Variants in NRCAM observed in about 807,000 individuals in gnomAD.
NRCAM encodes the protein NgCAM-related cell adhesion molecule.
Under a neutral mutation model 156.5 loss-of-function variants are expected in NRCAM, and 83 were observed. That is an observed-to-expected ratio of 0.53 (90% CI 0.44 to 0.64). The LOEUF (loss-of-function observed/expected upper bound fraction) is 0.64. Ranked by LOEUF, NRCAM falls within the 30% of genes least tolerant of loss-of-function variation. The pLI is 0.00. For synonymous variants in NRCAM, 538 were observed against 563.9 expected, an observed-to-expected ratio of 0.95 and a Z score of 0.65; for missense variants, 1,417 against 1,597.3, an observed-to-expected ratio of 0.89 and a Z score of 1.92.
In NRCAM at chr7:108,178,031, G is replaced by A. The variant is rs746739847; in HGVS notation, c.2933C>T (p.Pro978Leu). 1.2e-5 allele frequency: 19 copies of A among 1,613,390 alleles called. No homozygotes were observed. The highest frequency in any genetic ancestry group is 1.7e-4 in the Middle Eastern group (1 of 6,058). ...GGTGTACTCTGTCAAAATGCCATTC[G>A]GGTGGCTCGGTGGATCCCATTCCAA... The part of the protein sequence containing the change: ...LTLEWDPPSH[P>L]NGILTEYTLK... Residue 978 changes from proline to leucine, a missense_variant, in exon 26 of 33, where the codon CCG becomes CTG. Physicochemically the swap from Pro to Leu is moderately conservative, Grantham distance 98. Transcript: ENST00000379028.
At chr7:108,411,827 A>G (rs1252061263) in intron 1 of NRCAM, among the ~76,000 whole-genome samples, 1 of 152,158 alleles carries the variant, frequency 6.6e-6, no homozygotes, top group Non-Finnish European at 1.5e-5. Context: ...CACCACACCC[A>G]GCCAGGCCTA....
intron 2 of NRCAM, among the ~76,000 whole-genome samples, chr7:108,332,585 C>T (rs1180462577): frequency 6.6e-6 from 1 of 152,042 alleles, no homozygotes; most frequent in Non-Finnish European, 1.5e-5. Flanking sequence ...CAACTAAGAA[C>T]GATTCCTTAA....
intron 17 of NRCAM, 99 bp from the exon 18 acceptor site, chr7:108,191,952 G>A: frequency 7.2e-7 from 1 of 1,381,902 alleles, no homozygotes; most frequent in Non-Finnish European, 9.8e-7. Flanking sequence ...TGATAAAGGA[G>A]AAAGATGGTA....
chr7:108,177,496 G>A lies in NRCAM; in HGVS notation c.2974+494C>T, dbSNP rs549611261. ...AAATTTGCCGGGCATGGTGGTGGGC[G>A]TCTGTAGTCCCAGCTACTCGGGAGG... is the stretch of plus-strand genomic sequence containing the variant. On this transcript the variant is annotated intron_variant, in intron 26 of 32. Transcript: ENST00000379028. Among the ~76,000 whole-genome samples the A allele has an allele frequency of 9.2e-5, 14 of 152,106 alleles. No individual in the cohort carries two copies. The South Asian group carries it at 1.0e-3, about 11-fold the overall frequency.
intron 12 of NRCAM, among the ~76,000 whole-genome samples, chr7:108,208,865 A>T (rs1418503501): frequency 6.6e-6 from 1 of 152,160 alleles, no homozygotes; most frequent in African/African-American, 2.4e-5. Context: ...GTTAACATTC[A>T]TCACTTGGTT....
At chr7:108,357,707 A>G (rs1169436521) in intron 2 of NRCAM, among the ~76,000 whole-genome samples, 1 of 152,202 alleles carries the variant, frequency 6.6e-6, no homozygotes, top group East Asian at 1.9e-4. Flanking sequence ...TATATTAGAC[A>G]TGTCATGGGG....
At chr7:108,398,506 A>ATG in intron 2 of NRCAM, among the ~76,000 whole-genome samples, 1 of 152,212 alleles carries the variant, frequency 6.6e-6, no homozygotes, top group South Asian at 2.1e-4. Flanking sequence ...AGCTGATAAC[A>ATG]CCTCAGTGCT....
chr7:108,283,880 C>T (rs1218755820), intron 3 of NRCAM, among the ~76,000 whole-genome samples: 1 of 152,154 alleles, frequency 6.6e-6, no homozygotes, highest in Non-Finnish European at 1.5e-5. Context: ...GAGTCTCACT[C>T]TGTTGCCCAG....
At chr7:108,306,662 T>A (rs2154169171) in intron 3 of NRCAM, among the ~76,000 whole-genome samples, 1 of 152,316 alleles carries the variant, frequency 6.6e-6, no homozygotes, top group South Asian at 2.1e-4. Flanking sequence ...TAGAACCACA[T>A]CAAGGTAAGT....
At chr7:108,224,902 C>CT (rs1415587340) in intron 10 of NRCAM, among the ~76,000 whole-genome samples, 2 of 152,060 alleles carry the variant, frequency 1.3e-5, no homozygotes, top group Admixed American at 1.3e-4. Context: ...ATCTTGGTCA[C>CT]TGATGAGACC....
chr7:108,234,391 A>G (rs2094677665), intron 6 of NRCAM, among the ~76,000 whole-genome samples, 192 bp downstream of exon 6: 1 of 152,152 alleles, frequency 6.6e-6, no homozygotes, highest in African/African-American at 2.4e-5. Flanking sequence ...AGTATCTTTG[A>G]AGGGCTGAAA....
chr7:108,255,733 C>T (rs183353506), intron 3 of NRCAM, among the ~76,000 whole-genome samples: 2,669 of 151,436 alleles, frequency 0.018, 93 homozygotes, highest in African/African-American at 0.061. Flanking sequence ...CGCCTCTGCC[C>T]GGCCACGACC....
intron 1 of NRCAM, among the ~76,000 whole-genome samples, chr7:108,406,967 T>C (rs1563666953): frequency 6.6e-6 from 1 of 152,224 alleles, no homozygotes; most frequent in Non-Finnish European, 1.5e-5. Flanking sequence ...GTGGGGAATT[T>C]CTGCAGCTGA....
rs1260716436 is a variant in NRCAM, at chr7:108,160,431, A to G, written c.3528T>C (p.Ala1176=). The G allele has an allele frequency of 6.2e-7, 1 of 1,613,838 alleles. No homozygotes were observed. Among genetic ancestry groups the G allele is most frequent in the Non-Finnish European group, 8.5e-7 (1 of 1,179,738 alleles). ...GCAAAATTAAGATAAGGAGAGCAAC[A>G]GCACACATCAGACCAATGAACCAGC... ...TQGWFIGLMC[A]VALLILILLI... The change falls in exon 31 of 33, where the codon GCT becomes GCC. Residue 1176 remains alanine, a synonymous_variant. Coordinates refer to ENST00000379028, the MANE Select transcript of NRCAM (RefSeq NM_001037132.4).
At chr7:108,323,276 A>C (rs1012428597) in intron 2 of NRCAM, among the ~76,000 whole-genome samples, 2 of 152,180 alleles carry the variant, frequency 1.3e-5, no homozygotes, top group African/African-American at 4.8e-5. Context: ...TTTGCTTTGA[A>C]AATCGTTACT....
chr7:108,234,044 AG>A, intron 6 of NRCAM, among the ~76,000 whole-genome samples: 1 of 152,322 alleles, frequency 6.6e-6, no homozygotes, highest in South Asian at 2.1e-4. Context: ...AACTCTGCCA[AG>A]TTTGGAAAAC....
intron 1 of NRCAM, among the ~76,000 whole-genome samples, chr7:108,436,175 C>G (rs879879022): frequency 1.5e-4 from 23 of 152,078 alleles, no homozygotes; most frequent in Non-Finnish European, 2.5e-4. Flanking sequence ...CGCTCACACA[C>G]GTATACCACC....
At chr7:108,316,848 AAG>A (rs2154194057) in intron 2 of NRCAM, among the ~76,000 whole-genome samples, 1 of 152,136 alleles carries the variant, frequency 6.6e-6, no homozygotes, top group South Asian at 2.1e-4. Context: ...CTGTCTAACA[AAG>A]AGTCATGCCC....
At chr7:108,432,052 C>T (rs1022347837) in intron 1 of NRCAM, among the ~76,000 whole-genome samples, 6 of 152,160 alleles carry the variant, frequency 3.9e-5, no homozygotes, top group African/African-American at 1.2e-4. Context: ...GGCAATGCTG[C>T]TAAGAAAGGT....
Sources: gnomAD v4.1 joint callset for allele counts (sites outside exome capture counted in the v4.1 genomes callset) on GRCh38, gnomAD v4.1.1 for gene constraint, MANE v1.5 for transcripts, NCBI Gene and HGNC (gene_info 2026-07-23, HGNC 2026-07-21) for gene names.